CASZ1: variants seen among roughly 807,000 people sequenced by gnomAD.
The protein encoded by CASZ1 is zinc finger protein castor homolog 1.
CASZ1 carries 28 observed loss-of-function variants against 135.2 expected under a neutral mutation model. That is an observed-to-expected ratio of 0.21 (90% CI 0.15 to 0.28). The LOEUF is 0.28. Among genes scored for constraint, CASZ1 ranks in the 10% least tolerant of loss-of-function variants. The probability of loss-of-function intolerance (pLI) is 1.00; values close to 1 mark genes in which losing one functional copy is unlikely to be tolerated. For missense variants in CASZ1, 2,161 were observed against 2,453.3 expected, an observed-to-expected ratio of 0.88 and a Z score of 2.52; for synonymous variants, 1,068 against 1,073.4, an observed-to-expected ratio of 0.99 and a Z score of 0.10.
chr1:10,738,061 T>A (rs1038338796), intron 2 of CASZ1, among the ~76,000 whole-genome samples: 1 of 152,146 alleles, frequency 6.6e-6, no homozygotes, highest in Admixed American at 6.5e-5. Flanking sequence ...AGGTCCCTCC[T>A]TCGTGGAGTT....
intron 5 of CASZ1, among the ~76,000 whole-genome samples, chr1:10,663,373 A>C (rs915027003): frequency 2.0e-5 from 3 of 152,094 alleles, no homozygotes; most frequent in Middle Eastern, 3.2e-3. Flanking sequence ...GCCACCTGGC[A>C]CCCAGGGTGC....
At position 10,653,852 on chromosome 1, in the gene CASZ1, G is replaced by A; in HGVS notation, c.2205C>T (p.Asn735=). 6.2e-7 allele frequency: 1 copy of A among 1,610,670 alleles called. No individual in the cohort carries two copies. The highest frequency in any genetic ancestry group is 8.5e-7 in the Non-Finnish European group (1 of 1,177,612). ...LVDFSALSSK[N]SSLSASPTSQ... is the part of the protein sequence containing the mutation. ...TGGTAGGGGAGGCGCTCAGGCTGGA[G>A]TTCTTGCTGCTCAGGGCGGAGAAGT... is the stretch of plus-strand genomic sequence containing the variant. Residue 735 remains asparagine (N), a synonymous_variant, in exon 11 of 21, where the codon AAC becomes AAT. Transcript: ENST00000377022.
At chr1:10,744,293 G>A (rs1639995533) in intron 2 of CASZ1, among the ~76,000 whole-genome samples, 1 of 151,628 alleles carries the variant, frequency 6.6e-6, no homozygotes, top group Non-Finnish European at 1.5e-5. Context: ...GGGAACTTTG[G>A]TACCGAGACT....
chr1:10,663,198 G>A (rs964521980), intron 5 of CASZ1, among the ~76,000 whole-genome samples: 1 of 152,192 alleles, frequency 6.6e-6, no homozygotes, highest in Non-Finnish European at 1.5e-5. Context: ...CCTCCCAGGC[G>A]AACCTGCCAG....
intron 1 of CASZ1, among the ~76,000 whole-genome samples, chr1:10,775,632 A>C (rs1640648126): frequency 6.6e-6 from 1 of 152,060 alleles, no homozygotes. Flanking sequence ...AGCCCCTTTC[A>C]AGGGGACGGG....
chr1:10,782,447 T>A (rs1166354941), intron 1 of CASZ1, among the ~76,000 whole-genome samples: 1 of 152,006 alleles, frequency 6.6e-6, no homozygotes, highest in African/African-American at 2.4e-5. Context: ...TTAAAATAGG[T>A]CTCTAAGAGC....
At chr1:10,642,058 A>C (rs142576915) in intron 20 of CASZ1, 3 of 151,838 alleles carry the variant, frequency 2.0e-5, no homozygotes, top group Admixed American at 1.3e-4. Flanking sequence ...GTCACTTTTT[A>C]CTGGAGTTGG....
chr1:10,736,257 C>A (rs963897334), intron 2 of CASZ1, among the ~76,000 whole-genome samples: 3 of 152,226 alleles, frequency 2.0e-5, no homozygotes, highest in African/African-American at 7.2e-5. Flanking sequence ...CCTCACACTC[C>A]TGGTCCCCAT....
At chr1:10,689,409 G>C (rs1486044158) in intron 4 of CASZ1, among the ~76,000 whole-genome samples, 1 of 152,236 alleles carries the variant, frequency 6.6e-6, no homozygotes, top group African/African-American at 2.4e-5. Context: ...CTGGGGCTGT[G>C]GGGGCTGGGG....
intron 2 of CASZ1, among the ~76,000 whole-genome samples, chr1:10,752,666 C>T (rs993326075): frequency 6.6e-6 from 1 of 152,238 alleles, no homozygotes; most frequent in African/African-American, 2.4e-5. Context: ...GAGGGAGCCC[C>T]CCTAGTTGCC....
Position 10,728,499 on chromosome 1 carries a change from G to A in CASZ1, c.-76-22955C>T, listed in dbSNP as rs144125583. On this transcript the variant is annotated intron_variant, in intron 2 of 20. Transcript: ENST00000377022. ...TTTCATTTGTGTTCCAATCGAGGGC[G>A]CAAACCCCAGAAACTTTCTGAATTG... Among the ~76,000 whole-genome samples, 177 of 152,304 alleles carry A rather than the reference G, an allele frequency of 1.2e-3. 1 individual carries two copies. The highest frequency in any genetic ancestry group is 3.7e-3 in the African/African-American group (153 of 41,560).
chr1:10,744,443 C>CG (rs1640002323), intron 2 of CASZ1, among the ~76,000 whole-genome samples: 2 of 10,886 alleles, frequency 1.8e-4, no homozygotes, highest in South Asian at 3.3e-3. Context: ...ATGTCCTGGG[C>CG]ACCACGAGCA....
At chr1:10,775,513 G>C (rs927529929) in intron 1 of CASZ1, among the ~76,000 whole-genome samples, 1 of 152,180 alleles carries the variant, frequency 6.6e-6, no homozygotes, top group African/African-American at 2.4e-5. Context: ...GGAAGGGAGA[G>C]GGAGAAGGTG....
At chr1:10,691,929 G>A (rs1638782692) in intron 4 of CASZ1, among the ~76,000 whole-genome samples, 1 of 152,240 alleles carries the variant, frequency 6.6e-6, no homozygotes. Flanking sequence ...TGAGTGGCCA[G>A]AGTCCAGGCC....
rs1639419654 is a variant in CASZ1 at position 10,717,699 on chromosome 1, C to A, written c.-76-12155G>T. Among the ~76,000 whole-genome samples the A allele has an allele frequency of 6.6e-6, 1 of 152,008 alleles. No individual in the cohort carries two copies. Among genetic ancestry groups the A allele is most frequent in the African/African-American group, 2.4e-5 (1 of 41,396 alleles). On this transcript the variant is annotated intron_variant, in intron 2 of 20. Coordinates refer to ENST00000377022, the MANE Select transcript of CASZ1 (RefSeq NM_001079843.3). The surrounding 1 kb of genome is among the most constrained non-coding windows in gnomAD (Gnocchi z 4.6). The stretch of plus-strand genomic sequence containing the variant: ...CGGAGGTAGAAAACCCTTGCCAATT[C>A]CCCCCCAACTGATGTCAGAGCTGCC...
chr1:10,792,760 A>T (rs1446466881), intron 1 of CASZ1, among the ~76,000 whole-genome samples: 9 of 151,744 alleles, frequency 5.9e-5, no homozygotes. Context: ...AAGGAGAAAA[A>T]GTTGATGTAC....
intron 1 of CASZ1, among the ~76,000 whole-genome samples, chr1:10,773,962 CAAAG>C (rs1640618050): frequency 6.6e-6 from 1 of 152,198 alleles, no homozygotes; most frequent in Admixed American, 6.5e-5. Flanking sequence ...GACGAGTAGA[CAAAG>C]AAGTGTCTGA....
At chr1:10,779,380 C>T (rs1212589295) in intron 1 of CASZ1, among the ~76,000 whole-genome samples, 1 of 149,976 alleles carries the variant, frequency 6.7e-6, no homozygotes, top group Non-Finnish European at 1.5e-5. Context: ...GTCACCGATA[C>T]GCCTCAGCTT....
rs748517707 is a variant in CASZ1 at position 10,654,559 on chromosome 1, A to G, written c.1698T>C (p.Ser566=). The G allele has an allele frequency of 1.2e-6, 2 of 1,614,238 alleles. No individual in the cohort carries two copies. Among genetic ancestry groups the G allele is most frequent in the South Asian group, 2.2e-5 (2 of 91,080 alleles). ...GGAAGTTCTCGTGGGTCATCACGTC[A>G]GACGTGCTCGTGTACACCTTGTTAC... ...VGCNKVYTST[S]DVMTHENFHK... The change falls in exon 10 of 21, where the codon TCT becomes TCC. Residue 566 remains serine (S), a synonymous_variant. Transcript: ENST00000377022.
Sources: gnomAD v4.1 joint callset for allele counts (sites outside exome capture counted in the v4.1 genomes callset) on GRCh38, gnomAD v4.1.1 for gene constraint, Gnocchi (gnomAD v3.1) non-coding constraint, MANE v1.5 for transcripts, NCBI Gene and HGNC (gene_info 2026-07-23, HGNC 2026-07-21) for gene names.